The following PBX3 variants were observed in gnomAD, a reference collection of about 807,000 sequenced individuals.
PBX3 encodes the protein pre-B-cell leukemia transcription factor 3.
PBX3 carries 14 observed loss-of-function variants against 48.5 expected under a neutral mutation model. That is an observed-to-expected ratio of 0.29 (90% CI 0.19 to 0.45). PBX3 has a LOEUF of 0.45. PBX3 is among the 20% of genes least tolerant of loss of function. PBX3 has a pLI of 1.00. For synonymous variants in PBX3, 210 were observed against 200.3 expected, an observed-to-expected ratio of 1.05 and a Z score of -0.41; for missense variants, 386 against 546.7, an observed-to-expected ratio of 0.71 and a Z score of 2.93.
chr9:125,781,372 C>A (rs1350141405), intron 2 of PBX3, among the ~76,000 whole-genome samples: 1 of 151,758 alleles, frequency 6.6e-6, no homozygotes, highest in East Asian at 2.0e-4. Context: ...GTACGAAAAC[C>A]AGTCAGGCGT....
chr9:125,929,659 G>C lies in PBX3; in HGVS notation c.521G>C (p.Cys174Ser). Residue 174 changes from cysteine to serine, a missense_variant, in exon 4 of 9, where the codon TGT (cysteine) becomes TCT (serine). Transcript: ENST00000373489. ...GATTTTTTTTTCCCATTACAGGCAT[G>C]TAATGAATTTACTACACATGTGATG... ...HTELEKYEQACNEFTTHVMNL... is the reference protein window; with the variant it reads ...HTELEKYEQASNEFTTHVMNL... The C allele has an allele frequency of 6.2e-7, 1 of 1,602,366 alleles. No individual in the cohort carries two copies. The highest frequency in any genetic ancestry group is 8.5e-7 in the Non-Finnish European group (1 of 1,173,930).
At chr9:125,905,622 G>C (rs1841052469) in intron 2 of PBX3, among the ~76,000 whole-genome samples, 1 of 151,660 alleles carries the variant, frequency 6.6e-6, no homozygotes, top group African/African-American at 2.4e-5. Context: ...GACTTTTTTA[G>C]TTATGCTTTT....
chr9:125,802,778 A>C (rs967062419), intron 2 of PBX3, among the ~76,000 whole-genome samples: 2 of 150,842 alleles, frequency 1.3e-5, no homozygotes, highest in Non-Finnish European at 3.0e-5. Context: ...TCCCGGGTTC[A>C]AGCAATTCTC....
At chr9:125,950,084 A>G (rs985164263) in intron 5 of PBX3, among the ~76,000 whole-genome samples, 1 of 151,838 alleles carries the variant, frequency 6.6e-6, no homozygotes, top group Non-Finnish European at 1.5e-5. Context: ...AGAAAAAAAA[A>G]CTCTTAACTG....
chr9:125,762,884 T>C (rs1030563352), intron 2 of PBX3, among the ~76,000 whole-genome samples: 1 of 152,190 alleles, frequency 6.6e-6, no homozygotes, highest in Non-Finnish European at 1.5e-5. Flanking sequence ...GCAAAAATGA[T>C]ATTAATTAAA....
chr9:125,758,131 A>G (rs1836570164), intron 2 of PBX3, among the ~76,000 whole-genome samples: 1 of 152,198 alleles, frequency 6.6e-6, no homozygotes, highest in African/African-American at 2.4e-5. Context: ...GAATGCCTGA[A>G]AATGAAATGA....
chr9:125,781,094 C>T (rs1233032212), intron 2 of PBX3, among the ~76,000 whole-genome samples: 8 of 148,924 alleles, frequency 5.4e-5, no homozygotes, highest in South Asian at 2.2e-4. Context: ...CAGGCAGAGA[C>T]GCTCCTCACT....
chr9:125,912,899 A>G (rs1841235731), intron 2 of PBX3, among the ~76,000 whole-genome samples: 1 of 152,186 alleles, frequency 6.6e-6, no homozygotes, highest in Non-Finnish European at 1.5e-5. Context: ...TATGACTAAA[A>G]GCCAGTGTAA....
intron 2 of PBX3, among the ~76,000 whole-genome samples, chr9:125,763,661 A>G (rs536339395): frequency 4.1e-4 from 62 of 152,344 alleles, no homozygotes; most frequent in Admixed American, 3.3e-3. Context: ...TGCTGTAACA[A>G]TACTCGATGA....
intron 2 of PBX3, among the ~76,000 whole-genome samples, chr9:125,808,394 G>T (rs1838189598): frequency 6.6e-6 from 1 of 152,116 alleles, no homozygotes; most frequent in Admixed American, 6.5e-5. Context: ...GTCTCTGTAA[G>T]GCTGAGTGCA....
intron 2 of PBX3, among the ~76,000 whole-genome samples, chr9:125,853,856 A>G (rs1426543471): frequency 3.3e-5 from 5 of 152,210 alleles, no homozygotes; most frequent in Non-Finnish European, 7.3e-5. Flanking sequence ...ACCCAAGTAA[A>G]AAGTTTTTAA....
At chr9:125,800,691 G>C (rs567544503) in intron 2 of PBX3, among the ~76,000 whole-genome samples, 1 of 149,612 alleles carries the variant, frequency 6.7e-6, no homozygotes, top group Admixed American at 6.7e-5. Flanking sequence ...TGTATAAGTT[G>C]TATTCTTTCT....
At position 125,965,849 on chromosome 9, in the gene PBX3, G is replaced by T. The variant is rs749727832; in HGVS notation, c.1231G>T (p.Asp411Tyr). ...HNLNANGGWQ[D>Y]ATTPSSVTSP... ...CTTTCAGGCTAATGGAGGCTGGCAG[G>T]ACGCAACAACTCCATCTTCTGTGAC... Residue 411 changes from aspartate (D) to tyrosine (Y), a missense_variant, in exon 9 of 9, where the codon GAC (aspartate) becomes TAC (tyrosine). Physicochemically the swap from Asp to Tyr is radical, Grantham distance 160 (BLOSUM62 -3). Transcript: ENST00000373489. 1 of 1,613,904 alleles carries T rather than the reference G, an allele frequency of 6.2e-7. No individual in the cohort carries two copies. The highest frequency in any genetic ancestry group is 1.1e-5 in the South Asian group (1 of 91,082).
At chr9:125,796,598 A>G (rs1049378622) in intron 2 of PBX3, among the ~76,000 whole-genome samples, 1 of 152,166 alleles carries the variant, frequency 6.6e-6, no homozygotes, top group Non-Finnish European at 1.5e-5. Context: ...GTAAGGTCTA[A>G]TATATAGGGA....
intron 2 of PBX3, among the ~76,000 whole-genome samples, chr9:125,875,995 C>T (rs573574192): frequency 6.6e-6 from 1 of 152,330 alleles, no homozygotes; most frequent in East Asian, 1.9e-4. Context: ...TTGTCCTTGT[C>T]AGACTGGTCT....
At chr9:125,913,735 A>G (rs1220351108) in intron 2 of PBX3, among the ~76,000 whole-genome samples, 2 of 152,176 alleles carry the variant, frequency 1.3e-5, no homozygotes, top group Non-Finnish European at 2.9e-5. Flanking sequence ...GGGGAAAACT[A>G]GAAACCCGGA....
intron 2 of PBX3, among the ~76,000 whole-genome samples, chr9:125,795,869 T>C (rs1235636717): frequency 2.0e-5 from 3 of 152,202 alleles, no homozygotes; most frequent in African/African-American, 7.2e-5. Context: ...TTGGAACTTA[T>C]GATATGAAAG....
Position 125,888,440 on chromosome 9 carries a change from A to G in PBX3, c.275-27246A>G, listed in dbSNP as rs143485319. 4.6e-3 allele frequency among the ~76,000 whole-genome samples: 701 copies of G among 152,292 alleles called. 8 individuals are homozygous for G. Among genetic ancestry groups the G allele is most frequent in the African/African-American group, 0.016 (662 of 41,572 alleles). ...ACCCTTTGTATGGAGGAATTCCTTG[A>G]GAACATTCAGGATTAAGTCACTCTG... On this transcript the variant is annotated intron_variant, in intron 2 of 8. Transcript: ENST00000373489.
chr9:125,753,334 TAGG>T (rs762807505), intron 2 of PBX3, among the ~76,000 whole-genome samples: 1 of 152,056 alleles, frequency 6.6e-6, no homozygotes, highest in Non-Finnish European at 1.5e-5. Context: ...GGAGCTTTTG[TAGG>T]AGGTTTTCAG....
Sources: allele counts gnomAD v4.1 joint callset (sites outside exome capture counted in the v4.1 genomes callset), GRCh38; gene constraint gnomAD v4.1.1; transcripts MANE v1.5; gene names NCBI Gene and HGNC (gene_info 2026-07-23, HGNC 2026-07-21).